The following KYAT3 variants were observed in gnomAD, a reference collection of about 807,000 sequenced individuals.
KYAT3 encodes the protein kynurenine aminotransferase 3.
Under a neutral mutation model 59.0 loss-of-function variants are expected in KYAT3, and 50 were observed. That is an observed-to-expected ratio of 0.85 (90% CI 0.68 to 1.07). The LOEUF (loss-of-function observed/expected upper bound fraction) is 1.07, where lower values mean the gene tolerates loss of function less well. Among genes scored for constraint, KYAT3 ranks in the 50% least tolerant of loss-of-function variants. The pLI is 0.00. For missense variants in KYAT3, 497 were observed against 533.3 expected, an observed-to-expected ratio of 0.93 and a Z score of 0.67; for synonymous variants, 148 against 177.0, an observed-to-expected ratio of 0.84 and a Z score of 1.30.
the KYAT3 span, among the ~76,000 whole-genome samples, chr1:88,928,769 C>A: frequency 6.6e-6 from 1 of 152,168 alleles, no homozygotes; most frequent in African/African-American, 2.4e-5. Flanking sequence ...ACAGCCTTCT[C>A]AGTCTTACTC....
chr1:88,921,833 G>T, the KYAT3 span, among the ~76,000 whole-genome samples: 1 of 152,154 alleles, frequency 6.6e-6, no homozygotes, highest in African/African-American at 2.4e-5. Context: ...TAACTCAGGG[G>T]AAGTCAGCCT....
At chr1:88,952,908 AGTGAATAT>A (rs1213959906) in intron 10 of KYAT3, among the ~76,000 whole-genome samples, 147 bp downstream of exon 10, 1 of 152,250 alleles carries the variant, frequency 6.6e-6, no homozygotes, top group African/African-American at 2.4e-5. Context: ...GCTTGATAAC[AGTGAATAT>A]GTATCTGCTC....
chr1:88,946,587 A>T (rs1675450100), intron 11 of KYAT3, among the ~76,000 whole-genome samples: 1 of 152,290 alleles, frequency 6.6e-6, no homozygotes, highest in African/African-American at 2.4e-5. Context: ...TTGTTCTTTT[A>T]AAAAAATAAT....
intron 9 of KYAT3, 29 bp from the exon 10 acceptor site, chr1:88,953,181 GA>G: frequency 6.8e-7 from 1 of 1,462,214 alleles, no homozygotes; most frequent in Non-Finnish European, 9.6e-7. Flanking sequence ...AAAGATTTCA[GA>G]AAATCTAATT....
chr1:88,921,505 T>C, the KYAT3 span, among the ~76,000 whole-genome samples: 1 of 152,228 alleles, frequency 6.6e-6, no homozygotes, highest in Non-Finnish European at 1.5e-5. Flanking sequence ...AGGTTCATCA[T>C]TGCTTACAGT....
At chr1:88,989,210 C>T (rs191636896) in intron 1 of KYAT3, among the ~76,000 whole-genome samples, 71 of 152,226 alleles carry the variant, frequency 4.7e-4, no homozygotes, top group Middle Eastern at 3.4e-3. Flanking sequence ...AAAAAGAGAC[C>T]TAATCTATGG....
chr1:88,936,326 A>C, intron 13 of KYAT3, 81 bp from the exon 14 acceptor site: 1 of 1,069,270 alleles, frequency 9.4e-7, no homozygotes, highest in Non-Finnish European at 1.4e-6. Context: ...ATACAACATA[A>C]TGAAGATTTA....
intron 2 of KYAT3, among the ~76,000 whole-genome samples, chr1:88,976,949 G>A (rs1267377039): frequency 2.6e-5 from 4 of 152,192 alleles, no homozygotes; most frequent in Admixed American, 6.6e-5. Context: ...CATTTAAAAA[G>A]TTTATAAGGT....
In KYAT3 at chr1:88,954,190, G is replaced by A. The variant is rs188134550; in HGVS notation, c.864+959C>T. Reference sequence around the variant, plus strand: ...TGGGATTACAGGCGTGCGCTACCACGCCTGGCCGATGCTCCCTGCTTCTTA... The same window carrying A: ...TGGGATTACAGGCGTGCGCTACCACACCTGGCCGATGCTCCCTGCTTCTTA... On this transcript the variant is annotated intron_variant, in intron 9 of 13. Coordinates refer to ENST00000260508, the MANE Select transcript of KYAT3 (RefSeq NM_001008661.3). 7.2e-5 allele frequency among the ~76,000 whole-genome samples: 11 copies of A among 152,264 alleles called. No homozygotes were observed. The East Asian group carries it at 1.7e-3, about 24-fold the overall frequency.
At chr1:88,969,868 G>C (rs894626595) in intron 2 of KYAT3, among the ~76,000 whole-genome samples, 1 of 152,066 alleles carries the variant, frequency 6.6e-6, no homozygotes, top group African/African-American at 2.4e-5. Context: ...GTGTTGCCCA[G>C]GTTGGTCTCA....
At position 88,969,450 on chromosome 1, in the gene KYAT3, G is replaced by T; in HGVS notation, c.117C>A (p.Phe39Leu). 6.3e-7 allele frequency: 1 copy of T among 1,577,912 alleles called. No individual in the cohort carries two copies. The highest frequency in any genetic ancestry group is 1.1e-5 in the South Asian group (1 of 89,174). The change falls in exon 3 of 14, where the codon TTC becomes TTA. Residue 39 changes from phenylalanine (F) to leucine (L), a missense_variant. Physicochemically the swap from Phe to Leu is conservative, Grantham distance 22 (BLOSUM62 0). Transcript: ENST00000260508. Reference sequence around the variant, plus strand: ...GTCCTTCAATCCGTTTTGCATTTGTGAATTTCAGTGACATTTTCTGAAATA... The same window carrying T: ...GTCCTTCAATCCGTTTTGCATTTGTTAATTTCAGTGACATTTTCTGAAATA... Reference protein sequence around the residue: ...FSTSAKMSLKFTNAKRIEGLD... With the variant: ...FSTSAKMSLKLTNAKRIEGLD...
At chr1:88,934,021 G>A (rs1674964738), downstream of KYAT3, among the ~76,000 whole-genome samples, 1 of 152,206 alleles carries the variant, frequency 6.6e-6, no homozygotes, top group African/African-American at 2.4e-5. Flanking sequence ...TACGATCCTA[G>A]TTGGAAGTGC....
intron 2 of KYAT3, among the ~76,000 whole-genome samples, chr1:88,970,354 T>C (rs954668722): frequency 7.2e-5 from 11 of 152,170 alleles, no homozygotes; most frequent in Non-Finnish European, 1.5e-4. Context: ...TATTACATAG[T>C]TAGAACTATG....
downstream of KYAT3, among the ~76,000 whole-genome samples, chr1:88,935,378 A>G (rs111857636): frequency 5.7e-4 from 84 of 146,188 alleles, no homozygotes; most frequent in African/African-American, 1.7e-3. Flanking sequence ...GAGAGAGAGA[A>G]AAAAAAAAGG....
intron 8 of KYAT3, among the ~76,000 whole-genome samples, chr1:88,957,653 CTTGCATATCTTTAGTAAATACTG>C: frequency 6.6e-6 from 1 of 152,122 alleles, no homozygotes; most frequent in Non-Finnish European, 1.5e-5. Flanking sequence ...AAATATACAT[CTTGCATATCTTTAGTAAATACTG>C]TTGCATATCT....
chr1:88,956,081 A>G (rs1260917269), intron 8 of KYAT3, among the ~76,000 whole-genome samples: 3 of 152,150 alleles, frequency 2.0e-5, no homozygotes, highest in Admixed American at 1.3e-4. Flanking sequence ...CCTGAATGAA[A>G]CTTATCAAAC....
chr1:88,970,764 G>A (rs1676527626), intron 2 of KYAT3, among the ~76,000 whole-genome samples: 1 of 152,004 alleles, frequency 6.6e-6, no homozygotes, highest in Admixed American at 6.6e-5. Flanking sequence ...CAAGCTGGTA[G>A]AAATAAAAAA....
At chr1:88,939,696 T>C (rs76461870) in intron 13 of KYAT3, among the ~76,000 whole-genome samples, 5,796 of 152,312 alleles carry the variant, frequency 0.038, 317 homozygotes, top group African/African-American at 0.12. Context: ...TGTTCCTTTC[T>C]ACTTCCTTTT....
chr1:88,991,538 T>C (rs995803498), intron 1 of KYAT3, among the ~76,000 whole-genome samples: 2 of 152,188 alleles, frequency 1.3e-5, no homozygotes, highest in Admixed American at 6.5e-5. Context: ...ACAGAGGGTA[T>C]CTAGACGGTG....
Sources: allele counts gnomAD v4.1 joint callset (sites outside exome capture counted in the v4.1 genomes callset), GRCh38; gene constraint gnomAD v4.1.1; transcripts MANE v1.5; gene names NCBI Gene and HGNC (gene_info 2026-07-23, HGNC 2026-07-21).